The following FALEC variants were observed in gnomAD, a reference collection of about 807,000 sequenced individuals.
FALEC encodes focally amplified lncRNA regulator of ECM1.
At chr1:150,518,546 G>A (rs113442928), downstream of FALEC, among the ~76,000 whole-genome samples, 70 of 151,454 alleles carry the variant, frequency 4.6e-4, no homozygotes, top group Middle Eastern at 3.4e-3. Context: ...TACCACGCCC[G>A]GTTCATTTTG....
At chr1:150,522,874 T>TATATATAC (rs1670664476), downstream of FALEC, among the ~76,000 whole-genome samples, 11 of 122,226 alleles carry the variant, frequency 9.0e-5, 1 homozygote, top group Non-Finnish European at 1.0e-4. Context: ...TACGTATATA[T>TATATATAC]ACATATATAT....
At chr1:150,522,196 G>A (rs1320583388), downstream of FALEC, among the ~76,000 whole-genome samples, 1 of 150,300 alleles carries the variant, frequency 6.7e-6, no homozygotes, top group Non-Finnish European at 1.5e-5. Context: ...GCAGTGAGCC[G>A]AGATTACGCC....
the FALEC span, among the ~76,000 whole-genome samples, chr1:150,526,507 G>A: frequency 2.1e-5 from 3 of 140,768 alleles, no homozygotes; most frequent in African/African-American, 8.0e-5. Flanking sequence ...CGAGTATGTC[G>A]CTGTTATCTA....
At chr1:150,522,924 T>C (rs1271716224), downstream of FALEC, among the ~76,000 whole-genome samples, 12 of 94,220 alleles carry the variant, frequency 1.3e-4, no homozygotes, top group South Asian at 5.8e-4. Context: ...CATATATATA[T>C]ACATATATAT....
chr1:150,520,795 T>C (rs1380783946), downstream of FALEC, among the ~76,000 whole-genome samples: 4 of 135,026 alleles, frequency 3.0e-5, no homozygotes, highest in Non-Finnish European at 4.7e-5. Context: ...TTTTTTTTTT[T>C]TTTTTTTTTT....
rs189137829 is a variant in FALEC at position 150,517,611 on chromosome 1, C to T, written n.307-162C>T. 2.4e-4 allele frequency among the ~76,000 whole-genome samples: 36 copies of T among 152,286 alleles called. 1 individual carries two copies. In the Middle Eastern group the frequency reaches 0.024, roughly 101 times the overall value. Reference sequence around the variant, plus strand: ...AGGGACCCCAGAGAGTTCTCTAGCTCTTCCTGCCCTGTGAGATACAAGAAG... The same window carrying T: ...AGGGACCCCAGAGAGTTCTCTAGCTTTTCCTGCCCTGTGAGATACAAGAAG... On this transcript the variant is annotated intron_variant and non_coding_transcript_variant, in intron 1 of 1. Transcript: ENST00000416894.
downstream of FALEC, among the ~76,000 whole-genome samples, chr1:150,520,942 C>G (rs1364602489): frequency 6.6e-6 from 1 of 151,876 alleles, no homozygotes; most frequent in Non-Finnish European, 1.5e-5. Flanking sequence ...GTTGGGATTA[C>G]AGGCGCCTGC....
the FALEC span, among the ~76,000 whole-genome samples, chr1:150,531,399 T>C: frequency 2.0e-5 from 3 of 151,760 alleles, no homozygotes; most frequent in Admixed American, 1.3e-4. Context: ...TGCTTGAACC[T>C]GGGAGGCGGA....
downstream of FALEC, among the ~76,000 whole-genome samples, chr1:150,519,199 T>TGACGC (rs1250877287): frequency 1.3e-5 from 2 of 152,196 alleles, no homozygotes; most frequent in Non-Finnish European, 2.9e-5. Flanking sequence ...TGCTTCCTGA[T>TGACGC]GACGCCCTCC....
downstream of FALEC, among the ~76,000 whole-genome samples, chr1:150,519,977 T>C (rs1670617608): frequency 6.6e-6 from 1 of 151,840 alleles, no homozygotes; most frequent in Non-Finnish European, 1.5e-5. Context: ...TGGAGAAACC[T>C]CATCTCTACT....
the FALEC span, among the ~76,000 whole-genome samples, chr1:150,527,138 A>G: frequency 6.7e-6 from 1 of 149,016 alleles, no homozygotes; most frequent in Non-Finnish European, 1.5e-5. Flanking sequence ...ACGGGGTTTC[A>G]CCATATTGGT....
At chr1:150,532,129 G>C in the FALEC span, among the ~76,000 whole-genome samples, 4 of 152,212 alleles carry the variant, frequency 2.6e-5, no homozygotes, top group Non-Finnish European at 5.9e-5. Context: ...GGATGGTCTT[G>C]ATCTCCTGAC....
chr1:150,526,782 C>T, the FALEC span, among the ~76,000 whole-genome samples: 11 of 151,766 alleles, frequency 7.2e-5, no homozygotes, highest in African/African-American at 2.7e-4. Flanking sequence ...TACAGGCGCC[C>T]ACCACCACGC....
the FALEC span, among the ~76,000 whole-genome samples, chr1:150,534,667 C>T: frequency 3.9e-5 from 6 of 151,938 alleles, no homozygotes; most frequent in African/African-American, 1.5e-4. Context: ...CATGGTGAAA[C>T]CCCGTCTGTA....
At chr1:150,522,856 T>TATAC (rs1462943689), downstream of FALEC, among the ~76,000 whole-genome samples, 37 of 116,824 alleles carry the variant, frequency 3.2e-4, no homozygotes, top group Admixed American at 1.3e-3. Context: ...TCTCTCTATA[T>TATAC]ATATATATAC....
At chr1:150,524,887 C>T in the FALEC span, among the ~76,000 whole-genome samples, 1 of 150,800 alleles carries the variant, frequency 6.6e-6, no homozygotes, top group Non-Finnish European at 1.5e-5. Context: ...CCCAGCTACT[C>T]AGGAGACTGA....
At chr1:150,518,688 A>G (rs922948834), downstream of FALEC, among the ~76,000 whole-genome samples, 5 of 151,870 alleles carry the variant, frequency 3.3e-5, no homozygotes, top group Non-Finnish European at 7.4e-5. Context: ...GTGCCCAGCA[A>G]TAGAGTTACA....
At chr1:150,521,780 C>G (rs143196189), downstream of FALEC, among the ~76,000 whole-genome samples, 9 of 152,322 alleles carry the variant, frequency 5.9e-5, no homozygotes, top group East Asian at 1.3e-3. Context: ...ATTCTACTAT[C>G]TGTTCCTCCT....
downstream of FALEC, among the ~76,000 whole-genome samples, chr1:150,519,951 G>A (rs1025264394): frequency 3.9e-5 from 6 of 152,030 alleles, no homozygotes; most frequent in South Asian, 4.1e-4. Context: ...TCGGGAGTTC[G>A]AGACCAGCCT....
Sources: allele counts gnomAD v4.1 joint callset (sites outside exome capture counted in the v4.1 genomes callset), GRCh38; gene constraint gnomAD v4.1.1; transcripts MANE v1.5; gene names NCBI Gene and HGNC (gene_info 2026-07-23, HGNC 2026-07-21).